The following DLG1 variants were observed in gnomAD, a reference collection of about 807,000 sequenced individuals.
The protein encoded by DLG1 is discs large MAGUK scaffold protein 1.
Under a neutral mutation model 123.4 loss-of-function variants are expected in DLG1, and 42 were observed. The ratio of observed to expected loss-of-function variants is 0.34; its 90% CI spans 0.27 to 0.44. The LOEUF (loss-of-function observed/expected upper bound fraction) is 0.44, where lower values mean the gene tolerates loss of function less well. Ranked by LOEUF, DLG1 falls within the 20% of genes least tolerant of loss-of-function variation. The pLI, the probability that DLG1 is intolerant of heterozygous loss-of-function variation, is 1.00. For synonymous variants in DLG1, 317 were observed against 356.2 expected (o/e 0.89, Z 1.24); for missense variants, 942 against 1,082.6 (o/e 0.87, Z 1.82).
chr3:197,198,285 C>G (rs571408275), intron 4 of DLG1, among the ~76,000 whole-genome samples: 1 of 152,020 alleles, frequency 6.6e-6, no homozygotes, highest in Non-Finnish European at 1.5e-5. Context: ...GTCAGGAGTT[C>G]GAGACTAGCC....
At chr3:197,280,754 A>C (rs1319869606) in intron 4 of DLG1, among the ~76,000 whole-genome samples, 1 of 152,220 alleles carries the variant, frequency 6.6e-6, no homozygotes, top group Non-Finnish European at 1.5e-5. Context: ...CAATTCTCTT[A>C]AAGTTTAACA....
intron 5 of DLG1, among the ~76,000 whole-genome samples, chr3:197,151,712 T>C (rs1037202848): frequency 1.3e-5 from 2 of 152,204 alleles, no homozygotes; most frequent in Non-Finnish European, 2.9e-5. Flanking sequence ...ATAGCTAAAG[T>C]AGTTGTGAAA....
chr3:197,212,647 CT>C (rs1263683843), intron 4 of DLG1, among the ~76,000 whole-genome samples: 3 of 152,192 alleles, frequency 2.0e-5, no homozygotes, highest in African/African-American at 7.2e-5. Context: ...CAAATTCTTC[CT>C]TTTTATAAGC....
chr3:197,286,529 C>T (rs559636628), intron 3 of DLG1, among the ~76,000 whole-genome samples: 1 of 152,114 alleles, frequency 6.6e-6, no homozygotes, highest in Non-Finnish European at 1.5e-5. Context: ...GGCAATCGCT[C>T]GCCTGCCGCT....
chr3:197,293,284 A>T (rs1428881340), intron 3 of DLG1, among the ~76,000 whole-genome samples: 2 of 152,242 alleles, frequency 1.3e-5, no homozygotes, highest in Non-Finnish European at 2.9e-5. Context: ...CTAAAGAAAC[A>T]ATACATCAGC....
At chr3:197,051,945 G>A (rs2148714989) in intron 23 of DLG1, among the ~76,000 whole-genome samples, 1 of 147,704 alleles carries the variant, frequency 6.8e-6, no homozygotes, top group East Asian at 2.1e-4. Context: ...GGGTTCAAGT[G>A]ATTCTCCTGC....
rs540000266 is a variant in DLG1 at position 197,157,518 on chromosome 3, A to G, written c.484-7722T>C. 5.9e-5 allele frequency among the ~76,000 whole-genome samples: 9 copies of G among 152,334 alleles called. No individual in the cohort carries two copies. The South Asian group carries it at 1.0e-3, about 18-fold the overall frequency. On this transcript the variant is annotated intron_variant, in intron 5 of 24. Transcript: ENST00000667157. ...GTAAAAAACTTGGGCAATGAAAACT[A>G]TAAAACATGTATGAAAGAAATTAAG...
At chr3:197,118,984 A>G (rs1316873118) in intron 12 of DLG1, among the ~76,000 whole-genome samples, 3 of 152,162 alleles carry the variant, frequency 2.0e-5, no homozygotes, top group Non-Finnish European at 4.4e-5. Flanking sequence ...AGCCTGGGCA[A>G]CAGAGTAAGA....
At chr3:197,101,127 C>T (rs569281767) in intron 14 of DLG1, among the ~76,000 whole-genome samples, 2 of 152,244 alleles carry the variant, frequency 1.3e-5, no homozygotes, top group South Asian at 4.1e-4. Flanking sequence ...ACTTCACAGG[C>T]CCGTTACTGA....
chr3:197,114,083 A>G (rs1039875405), intron 13 of DLG1, among the ~76,000 whole-genome samples: 1 of 152,248 alleles, frequency 6.6e-6, no homozygotes, highest in Non-Finnish European at 1.5e-5. Context: ...AATTGGGGTT[A>G]ACAGACATGA....
chr3:197,079,540 C>A (rs771307709), intron 17 of DLG1, among the ~76,000 whole-genome samples: 3 of 152,098 alleles, frequency 2.0e-5, no homozygotes, highest in African/African-American at 7.2e-5. Flanking sequence ...TTAAACACGT[C>A]GTTAATTCAG....
chr3:197,125,927 T>C (rs950577775), intron 11 of DLG1, among the ~76,000 whole-genome samples: 17 of 152,172 alleles, frequency 1.1e-4, no homozygotes, highest in Admixed American at 6.5e-4. Flanking sequence ...GACAGCAGGG[T>C]GACTGTGCAG....
chr3:197,104,817 G>A (rs866882692), intron 14 of DLG1, 86 bp downstream of exon 14: 11 of 926,298 alleles, frequency 1.2e-5, no homozygotes, highest in Middle Eastern at 2.4e-4. Flanking sequence ...AGTTTAGCTT[G>A]GAAGTTAAAC....
intron 5 of DLG1, among the ~76,000 whole-genome samples, chr3:197,169,809 A>AGGTAAACTTGTGTCACT (rs1430559636): frequency 1.3e-5 from 2 of 152,310 alleles, no homozygotes; most frequent in African/African-American, 4.8e-5. Flanking sequence ...CTTGTTACAC[A>AGGTAAACTTGTGTCACT]GGTAAACTTG....
At chr3:197,167,976 T>C (rs766865932) in intron 5 of DLG1, among the ~76,000 whole-genome samples, 2 of 152,242 alleles carry the variant, frequency 1.3e-5, no homozygotes, top group African/African-American at 2.4e-5. Context: ...TGATTAATAA[T>C]CTACTTTGAT....
At chr3:197,191,560 C>T (rs1228797486) in intron 5 of DLG1, among the ~76,000 whole-genome samples, 1 of 151,942 alleles carries the variant, frequency 6.6e-6, no homozygotes, top group Non-Finnish European at 1.5e-5. Flanking sequence ...ATAAGGATGA[C>T]CGGAAATTCA....
intron 4 of DLG1, among the ~76,000 whole-genome samples, chr3:197,258,696 G>C (rs1757990219): frequency 6.6e-6 from 1 of 152,112 alleles, no homozygotes; most frequent in Admixed American, 6.6e-5. Context: ...CCAGAAAAGG[G>C]AGAAAAGAAC....
chr3:197,107,409 G>A (rs748495844), intron 13 of DLG1, among the ~76,000 whole-genome samples: 26 of 152,088 alleles, frequency 1.7e-4, no homozygotes, highest in Admixed American at 3.3e-4. Flanking sequence ...GCCGGGCGTG[G>A]TGGCAGGCAC....
rs187502009 is a variant in DLG1, at chr3:197,253,761, T to C, written c.318+28918A>G. ...AGTGATCTTTGTGGTGACAGAAATG[T>C]TCTGTAGTTTGACTCTATTAACGTC... On this transcript the variant is annotated intron_variant, in intron 4 of 24. Coordinates refer to ENST00000667157, the MANE Select transcript of DLG1 (RefSeq NM_001366207.1). 4.6e-3 allele frequency among the ~76,000 whole-genome samples: 701 copies of C among 152,300 alleles called. 5 individuals are homozygous for C. Among genetic ancestry groups the C allele is most frequent in the Non-Finnish European group, 6.8e-3 (463 of 68,024 alleles).
Sources: allele counts gnomAD v4.1 joint callset (sites outside exome capture counted in the v4.1 genomes callset), GRCh38; gene constraint gnomAD v4.1.1; transcripts MANE v1.5; gene names NCBI Gene and HGNC (gene_info 2026-07-23, HGNC 2026-07-21).